ZNF718: variants seen among roughly 807,000 people sequenced by gnomAD.
ZNF718 encodes zinc finger protein 718.
A neutral mutation model predicts 2.6 loss-of-function variants in ZNF718; 3 were observed. The ratio of observed to expected loss-of-function variants is 1.16; its 90% confidence interval spans 0.53 to 3.01. The LOEUF (loss-of-function observed/expected upper bound fraction) is 3.01. ZNF718 is among the 30% of genes most tolerant of loss of function. The pLI, the probability that ZNF718 is intolerant of heterozygous loss-of-function variation, is 0.03. For missense variants in ZNF718, 468 were observed against 230.0 expected (o/e 2.03, Z -6.69); for synonymous variants, 135 against 77.9 (o/e 1.73, Z -3.86).
chr4:174,422 C>T (rs1717307666), intron 3 of ZNF718, among the ~76,000 whole-genome samples: 1 of 152,204 alleles, frequency 6.6e-6, no homozygotes, highest in Non-Finnish European at 1.5e-5. Flanking sequence ...TCTCTGTCTT[C>T]CCAGGCCCTC....
chr4:126,779 G>A (rs1251293713), intron 1 of ZNF718, among the ~76,000 whole-genome samples: 2 of 150,540 alleles, frequency 1.3e-5, no homozygotes, highest in African/African-American at 4.9e-5. Flanking sequence ...ACATTTTCTT[G>A]CTGTTCTATT....
rs959879558 is a variant in ZNF718, at chr4:162,242, T to C, written c.*120T>C. 7 of 558,216 alleles carry C rather than the reference T, an allele frequency of 1.3e-5. No individual in the cohort carries two copies. Among genetic ancestry groups the C allele is most frequent in the Non-Finnish European group, 2.3e-5 (7 of 308,810 alleles). The allele number at this position is 558,216 out of a possible 1,614,324, so 34.6% of individuals were successfully genotyped here. A position where few individuals can be genotyped will look rare whatever the true frequency, so the allele number is the denominator to read the frequency against. ...AAGCTTTTAACCGCAACTCAATCTG[T>C]TCTAAACATAAGAGAAATGGTATTG... On this transcript the variant is annotated 3_prime_UTR_variant, in exon 4 of 4. Coordinates refer to ENST00000510175, the MANE Select transcript of ZNF718 (RefSeq NM_001039127.6).
chr4:200,881 CAG>C (rs1445105611), intron 3 of ZNF718, among the ~76,000 whole-genome samples: 37 of 152,154 alleles, frequency 2.4e-4, no homozygotes, highest in African/African-American at 8.9e-4. Context: ...AATACTTCCA[CAG>C]AACTATCATC....
chr4:178,985 C>T (rs1210484559), intron 3 of ZNF718, among the ~76,000 whole-genome samples: 1 of 152,082 alleles, frequency 6.6e-6, no homozygotes, highest in African/African-American at 2.4e-5. Flanking sequence ...TTATTATGCT[C>T]CTCCCTATTT....
chr4:191,343 G>A (rs920984114), intron 3 of ZNF718, among the ~76,000 whole-genome samples: 4 of 151,644 alleles, frequency 2.6e-5, no homozygotes, highest in African/African-American at 9.7e-5. Flanking sequence ...GTAGAGACGG[G>A]GTTTTACCAT....
chr4:134,327 T>C (rs1402024131), intron 3 of ZNF718, among the ~76,000 whole-genome samples: 2 of 152,158 alleles, frequency 1.3e-5, no homozygotes, highest in Admixed American at 6.5e-5. Flanking sequence ...TTTGTATTTT[T>C]AGTAGAGATG....
At chr4:125,505 G>A (rs563807221) in intron 1 of ZNF718, among the ~76,000 whole-genome samples, 1 of 152,330 alleles carries the variant, frequency 6.6e-6, no homozygotes, top group African/African-American at 2.4e-5. Flanking sequence ...TGGGGTTGGA[G>A]CATTGACTGG....
At chr4:137,964 T>A (rs116617162) in intron 3 of ZNF718, among the ~76,000 whole-genome samples, 1 of 152,228 alleles carries the variant, frequency 6.6e-6, no homozygotes, top group South Asian at 2.1e-4. Flanking sequence ...AAATATTTAA[T>A]TTATTCAAGA....
Position 152,943 on chromosome 4 carries a change from C to T in ZNF718, c.227-7969C>T, listed in dbSNP as rs4613632. On this transcript the variant is annotated intron_variant, in intron 3 of 3. Transcript: ENST00000510175. Reference sequence around the variant, plus strand: ...TTTTAGTTTTTTGTAGTCACGTTTGCAGATTTTTACATGTACTTTGAGGTC... The same window carrying T: ...TTTTAGTTTTTTGTAGTCACGTTTGTAGATTTTTACATGTACTTTGAGGTC... 4.1e-3 allele frequency among the ~76,000 whole-genome samples: 505 copies of T among 123,204 alleles called. 3 individuals are homozygous for T. Among genetic ancestry groups the T allele is most frequent in the African/African-American group, 0.013 (493 of 39,382 alleles). 80.8% of individuals were successfully genotyped at this position (123,204 alleles called of 152,430 possible). A position where few individuals can be genotyped will look rare whatever the true frequency, so the allele number is the denominator to read the frequency against.
At chr4:200,608 A>T (rs781935213) in intron 3 of ZNF718, among the ~76,000 whole-genome samples, 1 of 152,020 alleles carries the variant, frequency 6.6e-6, no homozygotes, top group Non-Finnish European at 1.5e-5. Context: ...TTAGAGTCAG[A>T]CTAGTACAAT....
intron 3 of ZNF718, among the ~76,000 whole-genome samples, chr4:150,772 C>A (rs2108795034): frequency 6.6e-6 from 1 of 151,856 alleles, no homozygotes; most frequent in Admixed American, 6.6e-5. Context: ...GAAAGTAGAA[C>A]TTTTATATGC....
chr4:197,938 C>G (rs1717825113), intron 3 of ZNF718, among the ~76,000 whole-genome samples: 2 of 152,074 alleles, frequency 1.3e-5, no homozygotes, highest in Non-Finnish European at 2.9e-5. Flanking sequence ...GATGAATGCT[C>G]AGGAGAGCAG....
intron 3 of ZNF718, among the ~76,000 whole-genome samples, chr4:148,941 G>C (rs1188433675): frequency 1.3e-5 from 2 of 152,154 alleles, no homozygotes; most frequent in African/African-American, 4.8e-5. Context: ...ACTATGATGG[G>C]CAAGCATGCC....
At chr4:148,288 G>A (rs1158183287) in intron 3 of ZNF718, among the ~76,000 whole-genome samples, 1 of 152,064 alleles carries the variant, frequency 6.6e-6, no homozygotes, top group African/African-American at 2.4e-5. Context: ...GCATGGACTC[G>A]GAGCCAGGTT....
At chr4:148,271 T>C (rs540806752) in intron 3 of ZNF718, among the ~76,000 whole-genome samples, 1 of 152,182 alleles carries the variant, frequency 6.6e-6, no homozygotes, top group East Asian at 1.9e-4. Context: ...GCCCCTGGAC[T>C]TTGGTTGCAT....
At chr4:160,552 T>G (rs1286321980) in intron 3 of ZNF718, among the ~76,000 whole-genome samples, 1 of 151,100 alleles carries the variant, frequency 6.6e-6, no homozygotes, top group Non-Finnish European at 1.5e-5. Flanking sequence ...TTTACTTATT[T>G]GTTTATTTAT....
intron 3 of ZNF718, among the ~76,000 whole-genome samples, chr4:154,963 G>A (rs539856999): frequency 2.1e-4 from 32 of 152,294 alleles, no homozygotes; most frequent in Admixed American, 1.6e-3. Context: ...CCTTCCTAGG[G>A]CGTTGGTGCC....
At chr4:195,265 G>A (rs1268644796) in intron 3 of ZNF718, among the ~76,000 whole-genome samples, 5 of 152,204 alleles carry the variant, frequency 3.3e-5, no homozygotes, top group Non-Finnish European at 7.3e-5. Context: ...GCTTGGCTGA[G>A]TGCAAACAGC....
At chr4:191,144 CT>C (rs1194078764) in intron 3 of ZNF718, among the ~76,000 whole-genome samples, 1,828 of 122,230 alleles carry the variant, frequency 0.015, 13 homozygotes, top group African/African-American at 0.038. Context: ...AGACATAAGT[CT>C]TTTTTTTTTT....
Sources: gnomAD v4.1 joint callset for allele counts (sites outside exome capture counted in the v4.1 genomes callset) on GRCh38, gnomAD v4.1.1 for gene constraint, MANE v1.5 for transcripts, NCBI Gene and HGNC (gene_info 2026-07-23, HGNC 2026-07-21) for gene names.